Variants in SPDEF observed in about 807,000 individuals in gnomAD.
The protein encoded by SPDEF is SAM pointed domain containing ETS transcription factor, also known as SAM pointed domain-containing Ets transcription factor.
SPDEF carries 12 observed loss-of-function variants against 36.0 expected under a neutral mutation model. That is an observed-to-expected ratio of 0.33 (90% CI 0.21 to 0.54). The LOEUF is 0.54. Among genes scored for constraint, SPDEF ranks in the 20% least tolerant of loss-of-function variants. SPDEF has a pLI of 0.93. For missense variants in SPDEF, 388 were observed against 456.9 expected (o/e 0.85, Z 1.37); for synonymous variants, 205 against 193.0 (o/e 1.06, Z -0.51).
chr6:34,549,919 C>T (rs1037948203), intron 1 of SPDEF, among the ~76,000 whole-genome samples: 7 of 152,204 alleles, frequency 4.6e-5, no homozygotes, highest in African/African-American at 1.4e-4. Context: ...TCTGTCAGCC[C>T]CTCCCTCCAT....
intron 1 of SPDEF, among the ~76,000 whole-genome samples, chr6:34,547,038 C>T (rs1357636959): frequency 1.1e-4 from 17 of 147,904 alleles, no homozygotes; most frequent in Admixed American, 1.1e-3. Context: ...CCCCTGCCTG[C>T]CTCCTGCCCC....
At position 34,538,348 on chromosome 6, in the gene SPDEF, A is replaced by G; in HGVS notation, c.934T>C (p.Tyr312His). 6.2e-7 allele frequency: 1 copy of G among 1,614,084 alleles called. No individual in the cohort carries two copies. The highest frequency in any genetic ancestry group is 8.5e-7 in the Non-Finnish European group (1 of 1,179,964). ...YDKLSRSIRQ[Y>H]YKKGIIRKPD... ...TTCCGGATGATGCCCTTCTTGTAAT[A>G]CTGGCGGATGGAGCGGCTCAGCTTG... is the stretch of plus-strand genomic sequence containing the variant. Residue 312 changes from tyrosine to histidine, a missense_variant, in exon 6 of 6, where the codon TAT becomes CAT. Physicochemically the swap from Tyr to His is moderately conservative, Grantham distance 83 (BLOSUM62 2). Transcript: ENST00000374037. The surrounding 1 kb of genome is among the most constrained non-coding windows in gnomAD (Gnocchi z 5.9).
At position 34,538,237 on chromosome 6, in the gene SPDEF, G is replaced by T. The variant is rs1364328772; in HGVS notation, c.*37C>A. On this transcript the variant is annotated 3_prime_UTR_variant, in exon 6 of 6. Coordinates refer to ENST00000374037, the MANE Select transcript of SPDEF (RefSeq NM_012391.3). This position sits in a 1 kb window ranked among gnomAD's most constrained non-coding sequence, Gnocchi z 5.9. ...CTGAGGCAGGGCAGGCAGGAGAGAG[G>T]CCCCTGAGGGCGGGTTTCAGGCCCT... 2 of 1,593,042 alleles carry T rather than the reference G, an allele frequency of 1.3e-6. No individual in the cohort carries two copies. Among genetic ancestry groups the T allele is most frequent in the Admixed American group, 1.7e-5 (1 of 59,146 alleles).
rs1767908472 is a variant in SPDEF at position 34,544,460 on chromosome 6, C to T, written c.-5G>A. On this transcript the variant is annotated 5_prime_UTR_variant, in exon 2 of 6. Transcript: ENST00000374037. This position sits in a 1 kb window ranked among gnomAD's most constrained non-coding sequence, Gnocchi z 4.4. ...ACCCGGGCTGGCGCTGCCCATGCCG[C>T]TGCTGTTTGGGCTGGCGGCTGTGTC... is the stretch of plus-strand genomic sequence containing the variant. The T allele has an allele frequency of 6.5e-7, 1 of 1,535,054 alleles. No homozygotes were observed.
rs1211899398 is a variant in SPDEF at position 34,555,102 on chromosome 6, CCACA to C, written c.-30+823_-30+826del. Among the ~76,000 whole-genome samples the C allele has an allele frequency of 1.3e-5, 2 of 151,496 alleles. No homozygotes were observed. The highest frequency in any genetic ancestry group is 2.9e-5 in the Non-Finnish European group (2 of 67,836). ...CAACACGCACGCGCACATGCACACA[CCACA>C]CACACACATACTTCCGCGCACACAC... On this transcript the variant is annotated intron_variant, in intron 1 of 5. Coordinates refer to ENST00000374037, the MANE Select transcript of SPDEF (RefSeq NM_012391.3). This position sits in a 1 kb window ranked among gnomAD's most constrained non-coding sequence, Gnocchi z 5.2.
chr6:34,551,576 A>T (rs949887482), intron 1 of SPDEF, among the ~76,000 whole-genome samples: 2 of 152,174 alleles, frequency 1.3e-5, no homozygotes, highest in African/African-American at 4.8e-5. Context: ...TTGGGGACTT[A>T]AAGAAGGATG....
Position 34,541,161 on chromosome 6 carries a change from TG to T in SPDEF, c.456del (p.Ser153AlafsTer63). 6.2e-7 allele frequency: 1 copy of T among 1,605,308 alleles called. No homozygotes were observed. The highest frequency in any genetic ancestry group is 8.5e-7 in the Non-Finnish European group (1 of 1,175,888). On this transcript the variant is annotated frameshift_variant, in exon 3 of 6. Transcript: ENST00000374037. LOFTEE classifies it high-confidence loss of function. ...CACAGGAGCCACTTCTGCACATTGC[TG>T]GGGCTCCAGTCCATGGGATCTGGGC... ...NITADPMDWS[P>X]SNVQKWLLWT... is the part of the protein sequence containing the mutation.
At chr6:34,550,508 G>A (rs1287064067) in intron 1 of SPDEF, among the ~76,000 whole-genome samples, 3 of 152,224 alleles carry the variant, frequency 2.0e-5, no homozygotes, top group East Asian at 1.9e-4. Flanking sequence ...AAGAGAGCAG[G>A]GAGGTGACTG....
chr6:34,539,438 C>T lies in SPDEF; in HGVS notation c.683-42G>A. 1 of 1,611,900 alleles carries T rather than the reference C, an allele frequency of 6.2e-7. No homozygotes were observed. Among genetic ancestry groups the T allele is most frequent in the Non-Finnish European group, 8.5e-7 (1 of 1,179,770 alleles). ...GGTGGCGGTGAGTGGGAATGGGAGG[C>T]CAGTCCCGGCTTCATTGGCAGCCAC... On this transcript the variant is annotated intron_variant, in intron 4 of 5. Transcript: ENST00000374037. The surrounding 1 kb of genome is among the most constrained non-coding windows in gnomAD (Gnocchi z 5.2).
chr6:34,539,505 C>A lies in SPDEF; in HGVS notation c.682+10G>T. The stretch of plus-strand genomic sequence containing the variant: ...AGCCCCCGCCTCCACCCTGCCGCTG[C>A]CTGGCTCACCACAGTAGTGAATCGC... On this transcript the variant is annotated intron_variant, in intron 4 of 5. Coordinates refer to ENST00000374037, the MANE Select transcript of SPDEF (RefSeq NM_012391.3). This position sits in a 1 kb window ranked among gnomAD's most constrained non-coding sequence, Gnocchi z 5.2. The A allele has an allele frequency of 6.3e-7, 1 of 1,579,640 alleles. No individual in the cohort carries two copies.
intron 1 of SPDEF, among the ~76,000 whole-genome samples, chr6:34,548,134 C>T (rs1767991580): frequency 6.6e-6 from 1 of 152,226 alleles, no homozygotes; most frequent in African/African-American, 2.4e-5. Flanking sequence ...CTTTCACCCA[C>T]ATCACCCGCT....
rs777403432 is a variant in SPDEF at position 34,538,468 on chromosome 6, C to T, written c.830-16G>A. On this transcript the variant is annotated splice_polypyrimidine_tract_variant and intron_variant, in intron 5 of 5. Transcript: ENST00000374037. This position sits in a 1 kb window ranked among gnomAD's most constrained non-coding sequence, Gnocchi z 5.9. ...TTGAAGATGCCTAGAGCAGGAGGGC[C>T]CCGAGAGAGCCAGTGGTATGAGTGA... The T allele has an allele frequency of 8.8e-6, 14 of 1,598,452 alleles. No homozygotes were observed. Among genetic ancestry groups the T allele is most frequent in the Non-Finnish European group, 1.1e-5 (13 of 1,170,816 alleles).
intron 1 of SPDEF, among the ~76,000 whole-genome samples, chr6:34,546,248 T>C (rs1470085313): frequency 1.3e-5 from 2 of 152,110 alleles, no homozygotes; most frequent in Admixed American, 6.5e-5. Flanking sequence ...TCTGGGTGAT[T>C]CTCGTGCATG....
chr6:34,543,230 GAAAA>G (rs143484954), intron 2 of SPDEF, among the ~76,000 whole-genome samples: 3 of 121,282 alleles, frequency 2.5e-5, no homozygotes, highest in African/African-American at 6.1e-5. Flanking sequence ...AGAAGAAAAA[GAAAA>G]AAAAAAGAAA....
rs1000473559 is a variant in SPDEF at position 34,555,130 on chromosome 6, ACACG to A, written c.-30+795_-30+798del. Among the ~76,000 whole-genome samples, 5 of 151,090 alleles carry A rather than the reference ACACG, an allele frequency of 3.3e-5. No homozygotes were observed. Among genetic ancestry groups the A allele is most frequent in the Non-Finnish European group, 7.4e-5 (5 of 67,552 alleles). On this transcript the variant is annotated intron_variant, in intron 1 of 5. Transcript: ENST00000374037. This position sits in a 1 kb window ranked among gnomAD's most constrained non-coding sequence, Gnocchi z 5.2. Reference sequence around the variant, plus strand: ...CACACACACATACTTCCGCGCACACACACGCACGCACACACCTCCACCAGCCTCA... The same window carrying A: ...CACACACACATACTTCCGCGCACACACACGCACACACCTCCACCAGCCTCA...
Position 34,537,966 on chromosome 6 carries a change from G to A in SPDEF, c.*308C>T, listed in dbSNP as rs1767729136. ...TGCCTGTGGCCTTTGTCGAGTCACT[G>A]CCCTTCTGTAGGCTCTGCTCTGGAA... On this transcript the variant is annotated 3_prime_UTR_variant, in exon 6 of 6. Coordinates refer to ENST00000374037, the MANE Select transcript of SPDEF (RefSeq NM_012391.3). The A allele has an allele frequency of 2.9e-5, 9 of 314,356 alleles. No individual in the cohort carries two copies. The South Asian group carries it at 6.3e-4, about 22-fold the overall frequency. 19.5% of individuals were successfully genotyped at this position (314,356 alleles called of 1,614,324 possible). A position where few individuals can be genotyped will look rare whatever the true frequency, so the allele number is the denominator to read the frequency against.
rs2233641 is a variant in SPDEF at position 34,544,133 on chromosome 6, A to G, written c.323T>C (p.Val108Ala). ...SQAPAGSLDLVPGGLTLEEHS... is the reference protein window; with the variant it reads ...SQAPAGSLDLAPGGLTLEEHS... ...CTCCTCCAAGGTCAGCCCGCCGGGCACCAAGTCCAGGCTGCCCGCTGGGGC... is the reference window on the plus strand; with the variant it reads ...CTCCTCCAAGGTCAGCCCGCCGGGCGCCAAGTCCAGGCTGCCCGCTGGGGC... The change falls in exon 2 of 6, where the codon GTG (valine) becomes GCG (alanine). Residue 108 changes from valine (V) to alanine (A), a missense_variant. By Grantham distance (64) the Val-to-Ala change is moderately conservative (BLOSUM62 0). Around this residue, in one of 2 missense-constraint regions of SPDEF, gnomAD observed 308 missense variants for 326.1 expected, o/e 0.94. Transcript: ENST00000374037. This position sits in a 1 kb window ranked among gnomAD's most constrained non-coding sequence, Gnocchi z 4.4. 2.3e-4 allele frequency: 370 copies of G among 1,613,834 alleles called. 6 individuals carry two copies. In the East Asian group the frequency reaches 7.0e-3, roughly 31 times the overall value.
Position 34,538,510 on chromosome 6 carries a change from A to C in SPDEF, c.830-58T>G. The C allele has an allele frequency of 6.5e-7, 1 of 1,529,752 alleles. No homozygotes were observed. Among genetic ancestry groups the C allele is most frequent in the Middle Eastern group, 1.8e-4 (1 of 5,588 alleles). The allele number at this position is 1,529,752 out of a possible 1,614,324, so 94.8% of individuals were successfully genotyped here. A position where few individuals can be genotyped will look rare whatever the true frequency, so the allele number is the denominator to read the frequency against. On this transcript the variant is annotated intron_variant, in intron 5 of 5. Transcript: ENST00000374037. This position sits in a 1 kb window ranked among gnomAD's most constrained non-coding sequence, Gnocchi z 5.9. Reference sequence around the variant, plus strand: ...TATGAGTGAGGTGGCAAGAAGGAGAAAGACGCAGACCACCAGGTCAGCCTC... The same window carrying C: ...TATGAGTGAGGTGGCAAGAAGGAGACAGACGCAGACCACCAGGTCAGCCTC...
chr6:34,556,125 G>A lies in SPDEF; in HGVS notation c.-226C>T, dbSNP rs1582010111. The A allele has an allele frequency of 1.3e-5, 2 of 152,184 alleles. No homozygotes were observed. Among genetic ancestry groups the A allele is most frequent in the African/African-American group, 4.8e-5 (2 of 41,440 alleles). The allele number at this position is 152,184 out of a possible 1,614,324, so 9.4% of individuals were successfully genotyped here. On this transcript the variant is annotated 5_prime_UTR_variant, in exon 1 of 6. Coordinates refer to ENST00000374037, the MANE Select transcript of SPDEF (RefSeq NM_012391.3). ...GGGGGCCTGGCCACCCTCAAGGGGT[G>A]GCCCTCTGAGGTCTCAGGGCTGCGT... is the stretch of plus-strand genomic sequence containing the variant.
Sources: gnomAD v4.1 joint callset for allele counts (sites outside exome capture counted in the v4.1 genomes callset) on GRCh38, gnomAD v4.1.1 for gene constraint, gnomAD v4.1.1 regional missense constraint, Gnocchi (gnomAD v3.1) non-coding constraint, MANE v1.5 for transcripts, NCBI Gene and HGNC (gene_info 2026-07-23, HGNC 2026-07-21) for gene names.